MECOM: variants seen among roughly 807,000 people sequenced by gnomAD.
The protein encoded by MECOM is MDS1 and EVI1 complex locus, also known as histone-lysine N-methyltransferase MECOM.
A neutral mutation model predicts 116.3 loss-of-function variants in MECOM; 13 were observed. The ratio of observed to expected loss-of-function variants is 0.11; its 90% CI spans 0.07 to 0.18. The LOEUF is 0.18. Ranked by LOEUF, MECOM falls within the 10% of genes least tolerant of loss-of-function variation. MECOM has a pLI of 1.00. For synonymous variants in MECOM, 528 were observed against 535.2 expected (o/e 0.99, Z 0.19); for missense variants, 1,299 against 1,509.0 (o/e 0.86, Z 2.31).
chr3:169,393,756 T>G (rs956547579), intron 1 of MECOM, among the ~76,000 whole-genome samples: 1 of 152,160 alleles, frequency 6.6e-6, no homozygotes, highest in African/African-American at 2.4e-5. Context: ...ACTATAGCTA[T>G]GCTAATTAAG....
intron 2 of MECOM, among the ~76,000 whole-genome samples, chr3:169,228,725 G>A (rs907075685): frequency 2.6e-5 from 4 of 152,144 alleles, no homozygotes; most frequent in African/African-American, 9.7e-5. Flanking sequence ...CTGCATACTT[G>A]GTGTGAGTCT....
At chr3:169,661,653 G>A (rs1031424094) in intron 1 of MECOM, among the ~76,000 whole-genome samples, 1 of 152,190 alleles carries the variant, frequency 6.6e-6, no homozygotes, top group Admixed American at 6.5e-5. Flanking sequence ...AGCATCTCGC[G>A]GGGCTACACC....
At chr3:169,452,180 G>T (rs930722447) in intron 1 of MECOM, among the ~76,000 whole-genome samples, 1 of 151,898 alleles carries the variant, frequency 6.6e-6, no homozygotes, top group Non-Finnish European at 1.5e-5. Context: ...CACGGCCGAT[G>T]CCCAACTACA....
At position 169,090,123 on chromosome 3, in the gene MECOM, T is replaced by G; in HGVS notation, c.3278A>C (p.Asp1093Ala). 6.2e-7 allele frequency: 1 copy of G among 1,613,656 alleles called. No individual in the cohort carries two copies. Among genetic ancestry groups the G allele is most frequent in the African/African-American group, 1.3e-5 (1 of 75,002 alleles). Residue 1093 changes from aspartate (D) to alanine (A), a missense_variant, in exon 15 of 17, where the codon GAC (aspartate) becomes GCC (alanine). This residue lies in a region of MECOM where 273 missense variants were observed against 289.3 expected (regional missense o/e 0.94). Coordinates refer to ENST00000651503, the MANE Select transcript of MECOM (RefSeq NM_004991.4). ...TCCTGTTTTTCCAGTAATATCATTG[T>G]CTTCATCCTCCTCATCTAACAACAC... ...DEVLLDEEDEDNDITGKTGKE... is the reference protein window; with the variant it reads ...DEVLLDEEDEANDITGKTGKE...
intron 2 of MECOM, among the ~76,000 whole-genome samples, chr3:169,341,609 G>A (rs550862177): frequency 1.5e-4 from 22 of 151,658 alleles, no homozygotes; most frequent in Admixed American, 5.9e-4. Flanking sequence ...GCTTGGTGGC[G>A]CATGCCTGTA....
intron 2 of MECOM, among the ~76,000 whole-genome samples, chr3:169,227,548 G>A (rs1287504927): frequency 6.6e-6 from 1 of 152,048 alleles, no homozygotes; most frequent in Non-Finnish European, 1.5e-5. Context: ...TCTGGTTATG[G>A]GGACAGAGAT....
At chr3:169,644,750 T>C (rs1204186808) in intron 1 of MECOM, among the ~76,000 whole-genome samples, 2 of 152,146 alleles carry the variant, frequency 1.3e-5, no homozygotes, top group Admixed American at 6.6e-5. Context: ...AAAGGGGCAA[T>C]TAGATTAAAC....
chr3:169,384,827 G>T (rs1174049599), intron 1 of MECOM, among the ~76,000 whole-genome samples: 3 of 152,116 alleles, frequency 2.0e-5, no homozygotes, highest in Non-Finnish European at 2.9e-5. Flanking sequence ...TAGAGGCCGG[G>T]TGTGGTGGCT....
chr3:169,125,184 T>C (rs935474230), intron 5 of MECOM, among the ~76,000 whole-genome samples: 2 of 152,058 alleles, frequency 1.3e-5, no homozygotes, highest in Admixed American at 6.6e-5. Context: ...TGTGGAGTCA[T>C]AAGAAAGGCC....
intron 7 of MECOM, among the ~76,000 whole-genome samples, chr3:169,118,920 C>G (rs1284302869): frequency 6.6e-6 from 1 of 152,146 alleles, no homozygotes; most frequent in Admixed American, 6.5e-5. Flanking sequence ...AACTACCAGG[C>G]CTCCAGGTAA....
intron 1 of MECOM, among the ~76,000 whole-genome samples, chr3:169,391,038 A>G (rs1165638772): frequency 1.3e-5 from 2 of 152,190 alleles, no homozygotes; most frequent in Non-Finnish European, 2.9e-5. Flanking sequence ...CCCTATTACC[A>G]CAAAACAGAA....
rs376492658 is a variant in MECOM at position 169,553,963 on chromosome 3, T to A, written c.37+109373A>T. Among the ~76,000 whole-genome samples, 10 of 151,890 alleles carry A rather than the reference T, an allele frequency of 6.6e-5. 1 individual carries two copies. The highest frequency in any genetic ancestry group is 5.9e-4 in the Admixed American group (9 of 15,238). On this transcript the variant is annotated intron_variant, in intron 1 of 16. Transcript: ENST00000651503. ...TACTGGAGGTTACGGCTTCAATATA[T>A]GAATTTGGCCAGGGTTGCTGGGGAG...
intron 2 of MECOM, among the ~76,000 whole-genome samples, chr3:169,262,929 T>C (rs1757733267): frequency 1.3e-5 from 2 of 150,924 alleles, no homozygotes; most frequent in Admixed American, 6.6e-5. Flanking sequence ...GGGATGGAAC[T>C]GAGAAACAAT....
chr3:169,228,375 C>A (rs1278459294), intron 2 of MECOM, among the ~76,000 whole-genome samples: 1 of 152,020 alleles, frequency 6.6e-6, no homozygotes, highest in East Asian at 1.9e-4. Context: ...ATGATGCAGG[C>A]GTATGTTACG....
chr3:169,460,031 G>A (rs369625328), intron 1 of MECOM, among the ~76,000 whole-genome samples: 15 of 152,068 alleles, frequency 9.9e-5, no homozygotes, highest in African/African-American at 3.4e-4. Flanking sequence ...CAATTTCTCA[G>A]GCAGATAAAC....
intron 1 of MECOM, among the ~76,000 whole-genome samples, chr3:169,399,367 T>G (rs574319117): frequency 9.0e-4 from 137 of 152,322 alleles, no homozygotes; most frequent in Middle Eastern, 3.4e-3. Flanking sequence ...CAAAAGTCAT[T>G]GCCACCACGG....
chr3:169,623,953 A>G (rs1255973599), intron 1 of MECOM: 2 of 152,130 alleles, frequency 1.3e-5, no homozygotes, highest in African/African-American at 4.8e-5. Context: ...CATTCCAACA[A>G]TGCCTTTAAC....
At chr3:169,264,303 G>A (rs1199774027) in intron 2 of MECOM, among the ~76,000 whole-genome samples, 2 of 152,176 alleles carry the variant, frequency 1.3e-5, no homozygotes, top group East Asian at 3.8e-4. Flanking sequence ...CTGAGAGACA[G>A]ATTCTATACT....
rs376748368 is a variant in MECOM at position 169,102,209 on chromosome 3, G to A, written c.2622C>T (p.Asn874=). Residue 874 remains asparagine, a synonymous_variant, in exon 11 of 17, where the codon AAC becomes AAT. Coordinates refer to ENST00000651503, the MANE Select transcript of MECOM (RefSeq NM_004991.4). ...DQRTWMSAIE[N]MAEKLESFSA... ...TGAAGCTCTCTAGCTTTTCTGCCAT[G>A]TTTTCAATAGCTGACATCTGAAAGG... The A allele has an allele frequency of 2.5e-6, 4 of 1,612,852 alleles. No individual in the cohort carries two copies. Among genetic ancestry groups the A allele is most frequent in the Non-Finnish European group, 3.4e-6 (4 of 1,179,264 alleles).
Sources: gnomAD v4.1 joint callset for allele counts (sites outside exome capture counted in the v4.1 genomes callset) on GRCh38, gnomAD v4.1.1 for gene constraint, gnomAD v4.1.1 regional missense constraint, MANE v1.5 for transcripts, NCBI Gene and HGNC (gene_info 2026-07-23, HGNC 2026-07-21) for gene names.